The following EIF2S1 variants were observed in gnomAD, a reference collection of about 807,000 sequenced individuals.
The protein encoded by EIF2S1 is eukaryotic translation initiation factor 2 subunit 1.
Under a neutral mutation model 33.5 loss-of-function variants are expected in EIF2S1, and 5 were observed. That is an observed-to-expected ratio of 0.15 (90% CI 0.08 to 0.31). EIF2S1 has a LOEUF of 0.31. Ranked by LOEUF, EIF2S1 falls within the 10% of genes least tolerant of loss-of-function variation. The probability of loss-of-function intolerance (pLI) is 1.00; values close to 1 mark genes in which losing one functional copy is unlikely to be tolerated. For synonymous variants in EIF2S1, 99 were observed against 127.5 expected (o/e 0.78, Z 1.51); for missense variants, 191 against 384.6 (o/e 0.50, Z 4.21).
chr14:67,382,270 A>G (rs1241002262), intron 6 of EIF2S1, 177 bp from the exon 7 acceptor site: 3 of 473,848 alleles, frequency 6.3e-6, no homozygotes, highest in African/African-American at 4.0e-5. Context: ...TACATTAACA[A>G]ATCACCCCAA....
chr14:67,366,658 A>G (rs954120069), intron 2 of EIF2S1, among the ~76,000 whole-genome samples: 1 of 152,220 alleles, frequency 6.6e-6, no homozygotes, highest in Admixed American at 6.5e-5. Context: ...AGCAAAGTGC[A>G]AAAGAGCCTG....
chr14:67,371,422 C>CAA (rs898878534), intron 2 of EIF2S1, among the ~76,000 whole-genome samples: 1 of 129,930 alleles, frequency 7.7e-6, no homozygotes. Flanking sequence ...TGTCTCCCAC[C>CAA]AAAAAAAAAA....
In EIF2S1 at chr14:67,374,518, T is replaced by G; in HGVS notation, c.292T>G (p.Cys98Gly). The G allele has an allele frequency of 6.2e-7, 1 of 1,608,302 alleles. No individual in the cohort carries two copies. Among genetic ancestry groups the G allele is most frequent in the Non-Finnish European group, 8.5e-7 (1 of 1,176,466 alleles). ...RRVSPEEAIK[C>G]EDKFTKSKTV... ...AGTTTCTCCAGAGGAAGCAATCAAA[T>G]GTGAAGACAAATTCACAAAATCCAA... The change falls in exon 3 of 8, where the codon TGT (cysteine) becomes GGT (glycine). Residue 98 changes from cysteine to glycine, a missense_variant. Transcript: ENST00000256383.
intron 3 of EIF2S1, among the ~76,000 whole-genome samples, chr14:67,374,902 C>T (rs908860068): frequency 6.6e-6 from 1 of 152,170 alleles, no homozygotes; most frequent in African/African-American, 2.4e-5. Context: ...ATGCACTTGG[C>T]CAAAATACAG....
intron 4 of EIF2S1, among the ~76,000 whole-genome samples, chr14:67,378,406 C>T (rs2085869242): frequency 7.2e-6 from 1 of 139,132 alleles, no homozygotes. Context: ...ATTCTAACAA[C>T]AACCTGTGGT....
At chr14:67,376,867 C>T (rs1020480269) in intron 4 of EIF2S1, among the ~76,000 whole-genome samples, 8 of 152,196 alleles carry the variant, frequency 5.3e-5, no homozygotes, top group Non-Finnish European at 8.8e-5. Flanking sequence ...TCACCAAAAA[C>T]TATAACCTCT....
chr14:67,373,674 C>G (rs749200924), intron 2 of EIF2S1, among the ~76,000 whole-genome samples: 1 of 152,160 alleles, frequency 6.6e-6, no homozygotes, highest in Non-Finnish European at 1.5e-5. Flanking sequence ...CTTAACCTTT[C>G]ATGGGTTTTA....
chr14:67,380,622 C>A (rs779092719), intron 4 of EIF2S1, 37 bp from the exon 5 acceptor site: 2 of 1,219,880 alleles, frequency 1.6e-6, no homozygotes, highest in African/African-American at 1.6e-5. Context: ...AGTAATATAA[C>A]CTTGACCTTT....
At chr14:67,366,081 CTT>C (rs552951257) in intron 2 of EIF2S1, among the ~76,000 whole-genome samples, 29 of 140,976 alleles carry the variant, frequency 2.1e-4, no homozygotes, top group Middle Eastern at 3.7e-3. Context: ...TAATCTTGTA[CTT>C]TTTTTTTTTT....
chr14:67,373,842 AGTGTGTGTGTGT>A (rs35163593), intron 2 of EIF2S1, among the ~76,000 whole-genome samples: 7 of 145,686 alleles, frequency 4.8e-5, no homozygotes, highest in South Asian at 2.2e-4. Context: ...TAATTTGTTC[AGTGTGTGTGTGT>A]GTGTGTGTGT....
intron 3 of EIF2S1, among the ~76,000 whole-genome samples, chr14:67,374,878 A>T (rs548513109): frequency 6.6e-5 from 10 of 152,316 alleles, no homozygotes; most frequent in African/African-American, 2.4e-4. Flanking sequence ...TGCTGGGATT[A>T]CAGAAGTGAG....
rs1270660458 is a variant in EIF2S1 at position 67,386,425 on chromosome 14, T to C, written c.*2985T>C. ...ATTTTATCTGTTGATTAAGGGGAGG[T>C]CCAAGCATTTGTACTTGGCAGGAAT... is the stretch of plus-strand genomic sequence containing the variant. On this transcript the variant is annotated 3_prime_UTR_variant, in exon 8 of 8. Coordinates refer to ENST00000256383, the MANE Select transcript of EIF2S1 (RefSeq NM_004094.5). 1 of 152,172 alleles carries C rather than the reference T, an allele frequency of 6.6e-6. No homozygotes were observed. The highest frequency in any genetic ancestry group is 1.9e-4 in the East Asian group (1 of 5,194). The allele number at this position is 152,172 out of a possible 1,614,324, so 9.4% of individuals were successfully genotyped here. A position where few individuals can be genotyped will look rare whatever the true frequency, so the allele number is the denominator to read the frequency against.
At chr14:67,363,286 A>G (rs978730009) in intron 1 of EIF2S1, among the ~76,000 whole-genome samples, 3 of 151,580 alleles carry the variant, frequency 2.0e-5, no homozygotes, top group Non-Finnish European at 2.9e-5. Flanking sequence ...TTGAATGTCT[A>G]CTTCTCTTTA....
rs1202553128 is a variant in EIF2S1 at position 67,376,378 on chromosome 14, T to TA, written c.322-56dup. 8 of 1,467,788 alleles carry TA rather than the reference T, an allele frequency of 5.5e-6. No homozygotes were observed. The East Asian group carries it at 2.0e-4, about 36-fold the overall frequency. 90.9% of individuals were successfully genotyped at this position (1,467,788 alleles called of 1,614,324 possible). ...CCAAATTATGTTATTTACTAAAATG[T>TA]AAAAACATTTTTTATAAATCTCTTA... On this transcript the variant is annotated intron_variant, in intron 3 of 7. Transcript: ENST00000256383.
At chr14:67,373,691 T>C (rs2085839377) in intron 2 of EIF2S1, among the ~76,000 whole-genome samples, 1 of 152,224 alleles carries the variant, frequency 6.6e-6, no homozygotes, top group African/African-American at 2.4e-5. Flanking sequence ...TTTAGTTTCT[T>C]CAGGTTAAAA....
chr14:67,361,594 C>G (rs2085741657), intron 1 of EIF2S1, among the ~76,000 whole-genome samples: 1 of 152,184 alleles, frequency 6.6e-6, no homozygotes, highest in Non-Finnish European at 1.5e-5. Context: ...ACTTCTATAT[C>G]CATTATAGCA....
rs1431189758 is a variant in EIF2S1 at position 67,385,850 on chromosome 14, T to C, written c.*2410T>C. On this transcript the variant is annotated 3_prime_UTR_variant, in exon 8 of 8. Transcript: ENST00000256383. ...TTAATAATGTTCAAAGTTGGACCCA[T>C]AGAGACATGCTAAGCACTACATCAT... 6.6e-6 allele frequency: 1 copy of C among 152,130 alleles called. No individual in the cohort carries two copies. The highest frequency in any genetic ancestry group is 6.6e-5 in the Admixed American group (1 of 15,256). 9.4% of individuals were successfully genotyped at this position (152,130 alleles called of 1,614,324 possible).
chr14:67,374,141 A>G (rs987951168), intron 2 of EIF2S1, among the ~76,000 whole-genome samples: 13 of 152,156 alleles, frequency 8.5e-5, no homozygotes, highest in Non-Finnish European at 1.5e-5. Context: ...ATGCTCCAAA[A>G]TCTGAAACTT....
intron 2 of EIF2S1, among the ~76,000 whole-genome samples, chr14:67,367,795 C>T (rs552514959): frequency 3.7e-4 from 56 of 151,346 alleles, no homozygotes; most frequent in Admixed American, 2.6e-3. Context: ...AAGATTGCAC[C>T]GCTGCACTCC....
Sources: gnomAD v4.1 joint callset for allele counts (sites outside exome capture counted in the v4.1 genomes callset) on GRCh38, gnomAD v4.1.1 for gene constraint, MANE v1.5 for transcripts, NCBI Gene and HGNC (gene_info 2026-07-23, HGNC 2026-07-21) for gene names.